Variants in ITGAE observed in about 807,000 individuals in gnomAD.
ITGAE encodes the protein integrin alpha-E.
Under a neutral mutation model 136.5 loss-of-function variants are expected in ITGAE, and 99 were observed. The ratio of observed to expected loss-of-function variants is 0.73; its 90% CI spans 0.62 to 0.86. ITGAE has a LOEUF of 0.86. ITGAE is among the 40% of genes least tolerant of loss of function. ITGAE has a pLI of 0.00. For missense variants in ITGAE, 1,447 were observed against 1,515.3 expected, an observed-to-expected ratio of 0.95 and a Z score of 0.75; for synonymous variants, 613 against 591.8, an observed-to-expected ratio of 1.04 and a Z score of -0.52.
In ITGAE at chr17:3,714,717, G is replaced by T; in HGVS notation, c.*130C>A. 1.7e-6 allele frequency: 1 copy of T among 574,014 alleles called. No homozygotes were observed. Among genetic ancestry groups the T allele is most frequent in the Non-Finnish European group, 3.1e-6 (1 of 324,754 alleles). 35.6% of individuals were successfully genotyped at this position (574,014 alleles called of 1,614,324 possible). ...ACAGACACTTTTGGGACAATGTATG[G>T]TTAAAAACTAATATTCTACCAACAG... On this transcript the variant is annotated 3_prime_UTR_variant, in exon 31 of 31. Coordinates refer to ENST00000263087, the MANE Select transcript of ITGAE (RefSeq NM_002208.5).
intron 21 of ITGAE, among the ~76,000 whole-genome samples, 158 bp downstream of exon 21, chr17:3,734,659 C>T (rs178323): frequency 0.64 from 97,272 of 152,052 alleles, 33,409 homozygotes; most frequent in African/African-American, 0.91. Context: ...GGCATGGAGC[C>T]GGACTGGCGG....
chr17:3,773,101 A>G (rs1056128251), intron 2 of ITGAE, among the ~76,000 whole-genome samples: 1 of 152,166 alleles, frequency 6.6e-6, no homozygotes, highest in Non-Finnish European at 1.5e-5. Flanking sequence ...CCAAACAACC[A>G]TATCAGGGTT....
At chr17:3,719,129 G>A (rs564758547) in intron 29 of ITGAE, among the ~76,000 whole-genome samples, 4 of 151,260 alleles carry the variant, frequency 2.6e-5, no homozygotes, top group Admixed American at 2.0e-4. Context: ...CCAGCTACTC[G>A]GGAGGCTGAG....
intron 26 of ITGAE, chr17:3,725,959 C>G (rs2051201160): frequency 6.2e-7 from 1 of 1,613,734 alleles, no homozygotes; most frequent in African/African-American, 1.3e-5. Flanking sequence ...AAGAGCAGCA[C>G]TATCCCCAGC....
At chr17:3,731,050 G>C in intron 23 of ITGAE, 54 bp downstream of exon 23, 1 of 1,420,324 alleles carries the variant, frequency 7.0e-7, no homozygotes, top group Non-Finnish European at 9.9e-7. Flanking sequence ...ATGTGGCAGG[G>C]AGATGTCTTC....
At chr17:3,732,182 C>G (rs773305181) in intron 22 of ITGAE, among the ~76,000 whole-genome samples, 186 bp downstream of exon 22, 1 of 152,170 alleles carries the variant, frequency 6.6e-6, no homozygotes, top group East Asian at 1.9e-4. Context: ...GGGCTGTGTA[C>G]TGGAAAGCTC....
intron 22 of ITGAE, among the ~76,000 whole-genome samples, chr17:3,731,408 C>A (rs1411180842): frequency 6.9e-6 from 1 of 145,390 alleles, no homozygotes; most frequent in Non-Finnish European, 1.5e-5. Flanking sequence ...ATGGTGTGAT[C>A]TCAGCTCACT....
At chr17:3,743,900 G>A (rs1264613857) in intron 18 of ITGAE, among the ~76,000 whole-genome samples, 3 of 150,948 alleles carry the variant, frequency 2.0e-5, no homozygotes, top group African/African-American at 7.3e-5. Context: ...ACAGGGTTTC[G>A]CCATGTTGGT....
chr17:3,722,868 C>T (rs569582425), intron 28 of ITGAE, among the ~76,000 whole-genome samples: 2 of 152,062 alleles, frequency 1.3e-5, no homozygotes, highest in Non-Finnish European at 2.9e-5. Flanking sequence ...ATAGCTGTTA[C>T]GTGGGAATTA....
chr17:3,729,962 GTGCTTTGCTGCAGCTGTCAA>G (rs1169026953), intron 23 of ITGAE, among the ~76,000 whole-genome samples: 1 of 152,184 alleles, frequency 6.6e-6, no homozygotes, highest in African/African-American at 2.4e-5. Context: ...GTGTGCCATG[GTGCTTTGCTGCAGCTGTCAA>G]CCCAGCACCT....
At chr17:3,726,004 T>C (rs1274312228) in intron 26 of ITGAE, 1 of 1,614,016 alleles carries the variant, frequency 6.2e-7, no homozygotes, top group Non-Finnish European at 8.5e-7. Flanking sequence ...GACTACACCC[T>C]GTCGCGCTTG....
At chr17:3,764,317 G>T (rs1161005854) in intron 2 of ITGAE, among the ~76,000 whole-genome samples, 1 of 152,198 alleles carries the variant, frequency 6.6e-6, no homozygotes, top group Non-Finnish European at 1.5e-5. Context: ...TGGCTTCCTC[G>T]TGGGCCACCC....
chr17:3,786,888 CAAAAAAAA>C (rs1268482931), intron 1 of ITGAE, among the ~76,000 whole-genome samples: 1 of 35,316 alleles, frequency 2.8e-5, no homozygotes, highest in African/African-American at 9.7e-5. Context: ...GACTCCATCT[CAAAAAAAA>C]AAAAAAAAAA....
At chr17:3,788,770 TAAAATAATTATTTAAAA>T (rs2052863749) in intron 1 of ITGAE, among the ~76,000 whole-genome samples, 1 of 146,280 alleles carries the variant, frequency 6.8e-6, no homozygotes, top group African/African-American at 2.5e-5. Flanking sequence ...TAATAATTAT[TAAAATAATTATTTAAAA>T]ATAATAATTA....
intron 1 of ITGAE, among the ~76,000 whole-genome samples, chr17:3,785,157 A>T (rs1217671935): frequency 2.0e-5 from 3 of 151,862 alleles, no homozygotes; most frequent in Non-Finnish European, 4.4e-5. Context: ...ATGTAAAAAA[A>T]AGAAAAAAGA....
At chr17:3,786,888 C>CAAAA (rs1268482931) in intron 1 of ITGAE, among the ~76,000 whole-genome samples, 6 of 35,262 alleles carry the variant, frequency 1.7e-4, no homozygotes, top group East Asian at 7.9e-4. Context: ...GACTCCATCT[C>CAAAA]AAAAAAAAAA....
chr17:3,726,107 C>T, intron 26 of ITGAE: 3 of 1,614,170 alleles, frequency 1.9e-6, no homozygotes, highest in Non-Finnish European at 2.5e-6. Context: ...TCTACAGGCT[C>T]ATGAAGAAGG....
intron 16 of ITGAE, among the ~76,000 whole-genome samples, chr17:3,749,801 A>T: frequency 6.6e-6 from 1 of 152,032 alleles, no homozygotes; most frequent in East Asian, 1.9e-4. Flanking sequence ...GTGGATCACG[A>T]GGTCAGGAGT....
chr17:3,790,735 G>T (rs1018301181), intron 1 of ITGAE, among the ~76,000 whole-genome samples: 1 of 152,118 alleles, frequency 6.6e-6, no homozygotes, highest in Non-Finnish European at 1.5e-5. Flanking sequence ...ACCAAACTCT[G>T]CCATAAATCA....
Sources: allele counts gnomAD v4.1 joint callset (sites outside exome capture counted in the v4.1 genomes callset), GRCh38; gene constraint gnomAD v4.1.1; transcripts MANE v1.5; gene names NCBI Gene and HGNC (gene_info 2026-07-23, HGNC 2026-07-21).